TNPO1: variants seen among roughly 807,000 people sequenced by gnomAD.
TNPO1 encodes the protein transportin 1.
A neutral mutation model predicts 119.5 loss-of-function variants in TNPO1; 8 were observed. The observed-to-expected ratio is 0.07, with a 90% confidence interval of 0.04 to 0.12. The LOEUF (loss-of-function observed/expected upper bound fraction) is 0.12. Ranked by LOEUF, TNPO1 falls within the 10% of genes least tolerant of loss-of-function variation. TNPO1 has a pLI of 1.00. For synonymous variants in TNPO1, 362 were observed against 363.0 expected, an observed-to-expected ratio of 1.00 and a Z score of 0.03; for missense variants, 576 against 1,089.8, an observed-to-expected ratio of 0.53 and a Z score of 6.64.
intron 3 of TNPO1, among the ~76,000 whole-genome samples, chr5:72,853,418 T>G (rs1745740793): frequency 6.6e-6 from 1 of 152,190 alleles, no homozygotes; most frequent in Admixed American, 6.5e-5. Flanking sequence ...TCCAGTGTAC[T>G]TAAGTGCTTC....
intron 8 of TNPO1, among the ~76,000 whole-genome samples, 155 bp from the exon 9 acceptor site, chr5:72,877,073 C>T (rs147229941): frequency 1.6e-5 from 2 of 122,448 alleles, no homozygotes; most frequent in East Asian, 2.4e-4. Flanking sequence ...CCAGCCTGGG[C>T]GACAGAGTGA....
chr5:72,900,992 CATA>C lies in TNPO1; in HGVS notation c.2435_2437del (p.Ile812del). On this transcript the variant is annotated inframe_deletion, in exon 22 of 25. Coordinates refer to ENST00000337273, the MANE Select transcript of TNPO1 (RefSeq NM_002270.4). ...TCAATAGGTGCACCTCTCTGAGAAACATAAGAGACAATGAGGAAAAGGATTCAG... is the reference window on the plus strand; with the variant it reads ...TCAATAGGTGCACCTCTCTGAGAAACAGAGACAATGAGGAAAAGGATTCAG... 1 of 1,610,158 alleles carries C rather than the reference CATA, an allele frequency of 6.2e-7. No individual in the cohort carries two copies. The highest frequency in any genetic ancestry group is 8.5e-7 in the Non-Finnish European group (1 of 1,178,630).
At chr5:72,855,528 T>C (rs1473942644) in intron 3 of TNPO1, among the ~76,000 whole-genome samples, 1 of 152,214 alleles carries the variant, frequency 6.6e-6, no homozygotes, top group Non-Finnish European at 1.5e-5. Context: ...CTGATGATGC[T>C]ACTTAACATC....
At chr5:72,884,804 C>T (rs1020793988) in intron 11 of TNPO1, among the ~76,000 whole-genome samples, 80 of 151,886 alleles carry the variant, frequency 5.3e-4, no homozygotes, top group African/African-American at 1.5e-3. Flanking sequence ...TTCTTTGTTG[C>T]GGAGGCTGTC....
At position 72,883,325 on chromosome 5, in the gene TNPO1, G is replaced by A. The variant is rs573821822; in HGVS notation, c.1150+93G>A. The A allele has an allele frequency of 4.5e-6, 3 of 666,114 alleles. No individual in the cohort carries two copies. In the African/African-American group the frequency reaches 5.4e-5, roughly 12 times the overall value. 41.3% of individuals were successfully genotyped at this position (666,114 alleles called of 1,614,324 possible). A position where few individuals can be genotyped will look rare whatever the true frequency, so the allele number is the denominator to read the frequency against. ...ACTGTACAGTTTACTACCCATTAAAGTATACATTTCATTGGTTTTTAGTAT... is the reference window on the plus strand; with the variant it reads ...ACTGTACAGTTTACTACCCATTAAAATATACATTTCATTGGTTTTTAGTAT... On this transcript the variant is annotated intron_variant, in intron 11 of 24. Coordinates refer to ENST00000337273, the MANE Select transcript of TNPO1 (RefSeq NM_002270.4).
intron 21 of TNPO1, 99 bp from the exon 22 acceptor site, chr5:72,900,875 T>C: frequency 1.5e-6 from 1 of 657,364 alleles, no homozygotes; most frequent in Non-Finnish European, 2.4e-6. Flanking sequence ...ATAATCATTA[T>C]CTATACTGTG....
rs201796023 is a variant in TNPO1 at position 72,861,792 on chromosome 5, T to A, written c.356-16T>A. On this transcript the variant is annotated splice_polypyrimidine_tract_variant and intron_variant, in intron 4 of 24. Coordinates refer to ENST00000337273, the MANE Select transcript of TNPO1 (RefSeq NM_002270.4). ...AATGCTGTTGGATTTCCTAAAGAAG[T>A]GTGTTTTTGTTCAAGGTATTTTGAT... is the stretch of plus-strand genomic sequence containing the variant. The A allele has an allele frequency of 8.3e-6, 13 of 1,569,704 alleles. No individual in the cohort carries two copies. In the African/African-American group the frequency reaches 1.3e-4, roughly 16 times the overall value.
At chr5:72,907,820 C>T (rs1750275484) in intron 24 of TNPO1, among the ~76,000 whole-genome samples, 1 of 151,906 alleles carries the variant, frequency 6.6e-6, no homozygotes. Flanking sequence ...GAGGTGGGAG[C>T]ATTGCTTGAG....
intron 9 of TNPO1, among the ~76,000 whole-genome samples, chr5:72,882,151 CTAGT>C (rs1433033907): frequency 3.3e-5 from 5 of 152,112 alleles, no homozygotes; most frequent in Non-Finnish European, 7.4e-5. Context: ...TAAGTCTTAC[CTAGT>C]TAAATTATGC....
At chr5:72,866,640 G>A (rs546949450) in intron 6 of TNPO1, among the ~76,000 whole-genome samples, 1 of 152,234 alleles carries the variant, frequency 6.6e-6, no homozygotes, top group South Asian at 2.1e-4. Context: ...TGTGGTCCGA[G>A]CTACTTGAAG....
At chr5:72,890,626 GGTT>G (rs1171415918) in intron 14 of TNPO1, among the ~76,000 whole-genome samples, 1 of 152,102 alleles carries the variant, frequency 6.6e-6, no homozygotes, top group Non-Finnish European at 1.5e-5. Context: ...CTTTGCTGTT[GGTT>G]GTTTGGTTTG....
In TNPO1 at chr5:72,891,530, C is replaced by T. The variant is rs75759206; in HGVS notation, c.1702-280C>T. 4.2e-3 allele frequency among the ~76,000 whole-genome samples: 646 copies of T among 152,166 alleles called. 26 individuals carry two copies. In the East Asian group the frequency reaches 0.096, roughly 23 times the overall value. On this transcript the variant is annotated intron_variant, in intron 14 of 24. Transcript: ENST00000337273. The stretch of plus-strand genomic sequence containing the variant: ...TTTTTAAGTAATAGATTTTGATTAG[C>T]TGTGTGTTTATTGATAGACTCTTTT...
chr5:72,901,147 T>C lies in TNPO1; in HGVS notation c.2514+74T>C. ...TAAAGGAAGAAACATTCTAATACTT[T>C]AATTATAAAAAGTTAACTATTTTCA... On this transcript the variant is annotated intron_variant, in intron 22 of 24. Transcript: ENST00000337273. The C allele has an allele frequency of 6.7e-6, 6 of 901,314 alleles. No individual in the cohort carries two copies. In the South Asian group the frequency reaches 1.1e-4, roughly 17 times the overall value. 55.8% of individuals were successfully genotyped at this position (901,314 alleles called of 1,614,324 possible).
Position 72,861,843 on chromosome 5 carries a change from T to C in TNPO1, c.391T>C (p.Leu131=). The C allele has an allele frequency of 1.9e-6, 3 of 1,614,026 alleles. No individual in the cohort carries two copies. The highest frequency in any genetic ancestry group is 1.7e-6 in the Non-Finnish European group (2 of 1,179,894). Residue 131 remains leucine, a synonymous_variant, in exon 5 of 25, where the codon TTG becomes CTG. Coordinates refer to ENST00000337273, the MANE Select transcript of TNPO1 (RefSeq NM_002270.4). The part of the protein sequence containing the change: ...LITTIASKGE[L]QNWPDLLPKL... ...CACAACTATAGCCTCCAAGGGAGAA[T>C]TGCAGAATTGGCCTGACCTCTTACC...
intron 1 of TNPO1, among the ~76,000 whole-genome samples, chr5:72,830,201 C>G (rs1338547546): frequency 6.6e-6 from 1 of 152,120 alleles, no homozygotes; most frequent in Non-Finnish European, 1.5e-5. Flanking sequence ...AACCTTACAT[C>G]CTAATGGGCT....
intron 1 of TNPO1, among the ~76,000 whole-genome samples, chr5:72,838,008 A>C (rs1410421017): frequency 1.3e-5 from 2 of 152,172 alleles, no homozygotes; most frequent in African/African-American, 4.8e-5. Flanking sequence ...AGATCTGACT[A>C]ATATATGCCC....
rs1750476839 is a variant in TNPO1, at chr5:72,910,315, T to C, written c.*1642T>C. Reference sequence around the variant, plus strand: ...ATGTATTCCTGTGAATAAATCCTTGTTAAGTTAACCCTTTACTTTTCCTTC... The same window carrying C: ...ATGTATTCCTGTGAATAAATCCTTGCTAAGTTAACCCTTTACTTTTCCTTC... On this transcript the variant is annotated 3_prime_UTR_variant, in exon 25 of 25. Coordinates refer to ENST00000337273, the MANE Select transcript of TNPO1 (RefSeq NM_002270.4). 1 of 152,660 alleles carries C rather than the reference T, an allele frequency of 6.6e-6. No individual in the cohort carries two copies. The allele number at this position is 152,660 out of a possible 1,614,324, so 9.5% of individuals were successfully genotyped here.
chr5:72,855,297 T>C (rs1431022513), intron 3 of TNPO1, among the ~76,000 whole-genome samples: 1 of 151,718 alleles, frequency 6.6e-6, no homozygotes, highest in African/African-American at 2.4e-5. Flanking sequence ...AGCAACAAAA[T>C]TTTAATAGGA....
intron 18 of TNPO1, 133 bp from the exon 19 acceptor site, chr5:72,896,325 G>A (rs111720964): frequency 2.0e-6 from 1 of 491,752 alleles, no homozygotes; most frequent in East Asian, 3.6e-5. Context: ...TAAAATTGAT[G>A]TTGCAGTAAT....
Sources: gnomAD v4.1 joint callset for allele counts (sites outside exome capture counted in the v4.1 genomes callset) on GRCh38, gnomAD v4.1.1 for gene constraint, MANE v1.5 for transcripts, NCBI Gene and HGNC (gene_info 2026-07-23, HGNC 2026-07-21) for gene names.